MAGI1: variants seen among roughly 807,000 people sequenced by gnomAD.
The protein encoded by MAGI1 is membrane associated guanylate kinase, WW and PDZ domain containing 1, also known as membrane-associated guanylate kinase, WW and PDZ domain-containing protein 1.
A neutral mutation model predicts 139.9 loss-of-function variants in MAGI1; 58 were observed. The observed-to-expected ratio is 0.41, with a 90% confidence interval of 0.34 to 0.52. The LOEUF is 0.52. Ranked by LOEUF, MAGI1 falls within the 20% of genes least tolerant of loss-of-function variation. MAGI1 has a pLI of 0.12. For synonymous variants in MAGI1, 812 were observed against 737.9 expected, an observed-to-expected ratio of 1.10 and a Z score of -1.63; for missense variants, 1,874 against 1,901.6, an observed-to-expected ratio of 0.99 and a Z score of 0.27.
At chr3:65,950,179 A>C (rs974304028) in intron 1 of MAGI1, among the ~76,000 whole-genome samples, 2 of 150,998 alleles carry the variant, frequency 1.3e-5, no homozygotes, top group African/African-American at 4.9e-5. Context: ...AGAAACGAAA[A>C]GCCACATTCA....
chr3:65,840,215 T>C (rs111747500), intron 1 of MAGI1, among the ~76,000 whole-genome samples: 1 of 151,996 alleles, frequency 6.6e-6, no homozygotes, highest in African/African-American at 2.4e-5. Flanking sequence ...TGCAAAGATG[T>C]AGTTTATTTC....
chr3:66,000,098 G>C (rs190212712), intron 1 of MAGI1, among the ~76,000 whole-genome samples: 9 of 149,056 alleles, frequency 6.0e-5, no homozygotes, highest in East Asian at 2.1e-4. Flanking sequence ...TCAGCCTCCC[G>C]AGCAGCTGGG....
Position 65,454,246 on chromosome 3 carries a change from T to C in MAGI1, c.960-906A>G, listed in dbSNP as rs545257625. On this transcript the variant is annotated intron_variant, in intron 5 of 22. Coordinates refer to ENST00000402939, the MANE Select transcript of MAGI1 (RefSeq NM_001033057.2). ...GCTACAAACTAGACATGAAAACAAA[T>C]TGGAAATCATCATTCTCAGTAAACT... Among the ~76,000 whole-genome samples the C allele has an allele frequency of 5.7e-4, 86 of 152,064 alleles. 1 individual carries two copies. The highest frequency in any genetic ancestry group is 2.7e-3 in the Admixed American group (41 of 15,244).
intron 7 of MAGI1, among the ~76,000 whole-genome samples, chr3:65,443,661 A>G (rs1328152333): frequency 2.0e-5 from 3 of 152,084 alleles, no homozygotes; most frequent in African/African-American, 7.2e-5. Context: ...TTACTTGGTG[A>G]AAGAAGGGAC....
intron 1 of MAGI1, among the ~76,000 whole-genome samples, chr3:65,805,704 T>C (rs555931201): frequency 3.3e-5 from 5 of 152,228 alleles, no homozygotes; most frequent in East Asian, 1.9e-4. Context: ...CCATCAGCAA[T>C]AGGCTGGATA....
chr3:65,709,374 G>A (rs11920504), intron 1 of MAGI1, among the ~76,000 whole-genome samples: 4,459 of 152,230 alleles, frequency 0.029, 205 homozygotes, highest in African/African-American at 0.097. Context: ...TTAAGAACAG[G>A]TATCTTTGAA....
intron 12 of MAGI1, among the ~76,000 whole-genome samples, chr3:65,405,152 A>C (rs921190637): frequency 1.3e-5 from 2 of 152,200 alleles, no homozygotes; most frequent in African/African-American, 2.4e-5. Flanking sequence ...GTATGTTCAA[A>C]GTGTGATCTG....
At chr3:65,650,592 A>G (rs2085523827) in intron 1 of MAGI1, among the ~76,000 whole-genome samples, 1 of 152,188 alleles carries the variant, frequency 6.6e-6, no homozygotes, top group South Asian at 2.1e-4. Context: ...TCCCTGTGTT[A>G]ACACCTTGAT....
chr3:65,755,724 C>T (rs1371138386), intron 1 of MAGI1, among the ~76,000 whole-genome samples: 1 of 152,110 alleles, frequency 6.6e-6, no homozygotes, highest in Non-Finnish European at 1.5e-5. Context: ...AACTTACCCA[C>T]AATTGAGTAA....
chr3:65,696,479 A>C (rs1369131747), intron 1 of MAGI1, among the ~76,000 whole-genome samples: 2 of 152,174 alleles, frequency 1.3e-5, no homozygotes, highest in African/African-American at 4.8e-5. Context: ...TTGATACATA[A>C]GGAGTCCCCA....
chr3:65,476,030 G>A (rs757073323), intron 4 of MAGI1, among the ~76,000 whole-genome samples: 1 of 151,718 alleles, frequency 6.6e-6, no homozygotes, highest in Non-Finnish European at 1.5e-5. Context: ...CCAAGCAGAA[G>A]CCGACACCTC....
At chr3:65,360,451 A>G (rs1940723315) in intron 22 of MAGI1, 2 of 983,992 alleles carry the variant, frequency 2.0e-6, no homozygotes. Flanking sequence ...AAGCTATGTA[A>G]AGATCATTGC....
intron 2 of MAGI1, among the ~76,000 whole-genome samples, chr3:65,503,659 G>A (rs1342143311): frequency 6.6e-6 from 1 of 152,164 alleles, no homozygotes; most frequent in Non-Finnish European, 1.5e-5. Flanking sequence ...GTGTGATGAA[G>A]GTATTGGAAT....
chr3:65,840,593 A>T (rs1026089906), intron 1 of MAGI1, among the ~76,000 whole-genome samples: 1 of 152,098 alleles, frequency 6.6e-6, no homozygotes, highest in African/African-American at 2.4e-5. Flanking sequence ...AACCAGCTTT[A>T]TATCCCTACA....
At chr3:65,592,413 T>A (rs1248608039) in intron 2 of MAGI1, among the ~76,000 whole-genome samples, 4 of 152,174 alleles carry the variant, frequency 2.6e-5, no homozygotes, top group Admixed American at 2.6e-4. Flanking sequence ...ACTAGAAACA[T>A]GCTAACAGGT....
Position 65,389,647 on chromosome 3 carries a change from C to T in MAGI1, c.2416+1495G>A, listed in dbSNP as rs148594086. Among the ~76,000 whole-genome samples, 1,490 of 152,314 alleles carry T rather than the reference C, an allele frequency of 9.8e-3. 11 individuals are homozygous for T. The highest frequency in any genetic ancestry group is 0.016 in the Non-Finnish European group (1,083 of 68,024). On this transcript the variant is annotated intron_variant, in intron 14 of 22. Transcript: ENST00000402939. ...GCGAGGAGACACAATGAGGACAGAACCTGGTTCCTGGTTAGCATCCACTGC... is the reference window on the plus strand; with the variant it reads ...GCGAGGAGACACAATGAGGACAGAATCTGGTTCCTGGTTAGCATCCACTGC...
chr3:65,712,672 T>G (rs1222220474), intron 1 of MAGI1, among the ~76,000 whole-genome samples: 1 of 151,770 alleles, frequency 6.6e-6, no homozygotes, highest in East Asian at 1.9e-4. Context: ...CCACCACACC[T>G]AGCTAATTTT....
intron 1 of MAGI1, among the ~76,000 whole-genome samples, chr3:65,810,241 G>C (rs978740909): frequency 6.6e-6 from 1 of 152,228 alleles, no homozygotes; most frequent in East Asian, 1.9e-4. Flanking sequence ...AAGCCCAAGA[G>C]GACCCTTCTC....
intron 3 of MAGI1, among the ~76,000 whole-genome samples, chr3:65,484,449 A>AG (rs1218450126): frequency 6.6e-6 from 1 of 152,202 alleles, no homozygotes; most frequent in African/African-American, 2.4e-5. Context: ...ATCACCCCCA[A>AG]GGGGGCAAAA....
Sources: gnomAD v4.1 joint callset for allele counts (sites outside exome capture counted in the v4.1 genomes callset) on GRCh38, gnomAD v4.1.1 for gene constraint, MANE v1.5 for transcripts, NCBI Gene and HGNC (gene_info 2026-07-23, HGNC 2026-07-21) for gene names.